The following ATP13A3 variants were observed in gnomAD, a reference collection of about 807,000 sequenced individuals.
ATP13A3 encodes polyamine-transporting ATPase 13A3.
ATP13A3 carries 59 observed loss-of-function variants against 158.1 expected under a neutral mutation model. The observed-to-expected ratio is 0.37, with a 90% confidence interval of 0.30 to 0.46. The LOEUF (loss-of-function observed/expected upper bound fraction) is 0.46, where lower values mean the gene tolerates loss of function less well. ATP13A3 is among the 20% of genes least tolerant of loss of function. ATP13A3 has a pLI of 1.00. For synonymous variants in ATP13A3, 491 were observed against 504.3 expected (o/e 0.97, Z 0.35); for missense variants, 1,166 against 1,525.2 (o/e 0.76, Z 3.92).
chr3:194,432,846 C>T (rs1455429842), intron 21 of ATP13A3, among the ~76,000 whole-genome samples: 1 of 151,806 alleles, frequency 6.6e-6, no homozygotes, highest in Non-Finnish European at 1.5e-5. Context: ...AGAGCTACCA[C>T]AATTTCACAC....
chr3:194,439,099 A>G, intron 16 of ATP13A3, 127 bp from the exon 17 acceptor site: 1 of 569,986 alleles, frequency 1.8e-6, no homozygotes, highest in South Asian at 2.6e-5. Context: ...AAAAAAATGT[A>G]TGTCCAAGGA....
chr3:194,484,235 C>A (rs1324224679), intron 2 of ATP13A3, among the ~76,000 whole-genome samples: 2 of 151,924 alleles, frequency 1.3e-5, no homozygotes, highest in Non-Finnish European at 2.9e-5. Context: ...AGCTCCTTAA[C>A]TTCTTTAATT....
rs1717181504 is a variant in ATP13A3, at chr3:194,431,039, A to T, written c.2545-17T>A. 1.2e-6 allele frequency: 2 copies of T among 1,613,574 alleles called. No homozygotes were observed. The highest frequency in any genetic ancestry group is 1.7e-6 in the Non-Finnish European group (2 of 1,179,598). ...CAACATCAACTGGAAACAATAATACAAATTTTTTTAAAATACTGTTGCGAT... is the reference window on the plus strand; with the variant it reads ...CAACATCAACTGGAAACAATAATACTAATTTTTTTAAAATACTGTTGCGAT... On this transcript the variant is annotated splice_polypyrimidine_tract_variant and intron_variant, in intron 23 of 33. Coordinates refer to ENST00000645319, the MANE Select transcript of ATP13A3 (RefSeq NM_001367549.1).
At chr3:194,450,574 G>A in intron 10 of ATP13A3, 1 of 330,348 alleles carries the variant, frequency 3.0e-6, no homozygotes, top group Non-Finnish European at 5.8e-6. Context: ...GATAAATGGT[G>A]ACTATTAGCC....
intron 22 of ATP13A3, 22 bp downstream of exon 22, chr3:194,431,695 G>T: frequency 4.7e-6 from 7 of 1,480,912 alleles, no homozygotes; most frequent in African/African-American, 1.4e-5. Context: ...ACTTTAAAAC[G>T]GACAGTCGAT....
upstream of ATP13A3, among the ~76,000 whole-genome samples, chr3:194,490,787 C>T (rs1721137476): frequency 6.6e-6 from 1 of 152,222 alleles, no homozygotes; most frequent in South Asian, 2.1e-4. The surrounding 1 kb of genome is among the most constrained non-coding windows in gnomAD (Gnocchi z 4.4). Flanking sequence ...AGGACTGATC[C>T]ACATGCTCTC....
At position 194,404,242 on chromosome 3, in the gene ATP13A3, C is replaced by A; in HGVS notation, c.*1677G>T. On this transcript the variant is annotated 3_prime_UTR_variant, in exon 34 of 34. Transcript: ENST00000645319. ...GTTATCATCTAATGTGTATTAATAG[C>A]ATATTATACATTTGATGGAAAACTT... 1 of 353,758 alleles carries A rather than the reference C, an allele frequency of 2.8e-6. No homozygotes were observed. The highest frequency in any genetic ancestry group is 5.5e-6 in the Non-Finnish European group (1 of 181,182). 21.9% of individuals were successfully genotyped at this position (353,758 alleles called of 1,614,324 possible). A position where few individuals can be genotyped will look rare whatever the true frequency, so the allele number is the denominator to read the frequency against.
chr3:194,491,645 T>G (rs1483643275), upstream of ATP13A3, among the ~76,000 whole-genome samples: 1 of 68,560 alleles, frequency 1.5e-5, no homozygotes, highest in African/African-American at 7.1e-5. Context: ...TGACCTGGCA[T>G]GTCCCCTCCA....
chr3:194,446,462 C>T (rs914378296), intron 14 of ATP13A3, among the ~76,000 whole-genome samples: 7 of 152,144 alleles, frequency 4.6e-5, no homozygotes, highest in African/African-American at 1.4e-4. Context: ...TGCCTCGTTC[C>T]GCCAGTTGCT....
chr3:194,452,286 T>A (rs980700346), intron 10 of ATP13A3: 1 of 152,166 alleles, frequency 6.6e-6, no homozygotes, highest in Non-Finnish European at 1.5e-5. Flanking sequence ...AGACCCAGAG[T>A]TAGAGACCAG....
chr3:194,457,785 CTTTTTTTT>C (rs147162535), intron 6 of ATP13A3, among the ~76,000 whole-genome samples: 1 of 127,916 alleles, frequency 7.8e-6, no homozygotes, highest in African/African-American at 3.0e-5. Context: ...CTTAATTATG[CTTTTTTTT>C]TTTTTTTTTT....
rs1423944220 is a variant in ATP13A3, at chr3:194,422,176, G to A, written c.3314-2209C>T. Among the ~76,000 whole-genome samples, 3 of 151,970 alleles carry A rather than the reference G, an allele frequency of 2.0e-5. No homozygotes were observed. The South Asian group carries it at 6.2e-4, about 32-fold the overall frequency. On this transcript the variant is annotated intron_variant, in intron 30 of 33. Coordinates refer to ENST00000645319, the MANE Select transcript of ATP13A3 (RefSeq NM_001367549.1). ...AAAAAAGACACTAAGTGACAGGGGA[G>A]AGAAGGATGGCTGGCAGACATACAA...
intron 30 of ATP13A3, among the ~76,000 whole-genome samples, chr3:194,421,292 G>A (rs1296789700): frequency 2.1e-5 from 3 of 146,040 alleles, no homozygotes; most frequent in Non-Finnish European, 4.5e-5. Flanking sequence ...GGTGGCTCAC[G>A]CCTGTAATCC....
intron 2 of ATP13A3, among the ~76,000 whole-genome samples, chr3:194,484,876 T>A (rs775549274): frequency 3.3e-5 from 5 of 152,028 alleles, no homozygotes; most frequent in South Asian, 2.1e-4. Flanking sequence ...GCCAACGTGG[T>A]GAAACCCTGT....
At position 194,431,701 on chromosome 3, in the gene ATP13A3, T is replaced by C. The variant is rs745349964; in HGVS notation, c.2421+16A>G. ...AATCAACAAACTTTAAAACGGACAG[T>C]CGATCTTGACCTTACCTCTGGGTCA... On this transcript the variant is annotated intron_variant, in intron 22 of 33. Transcript: ENST00000645319. 3 of 1,510,352 alleles carry C rather than the reference T, an allele frequency of 2.0e-6. No homozygotes were observed. The highest frequency in any genetic ancestry group is 2.7e-6 in the Non-Finnish European group (3 of 1,129,308). The allele number at this position is 1,510,352 out of a possible 1,614,324, so 93.6% of individuals were successfully genotyped here.
intron 10 of ATP13A3, among the ~76,000 whole-genome samples, chr3:194,453,250 G>A (rs1470059239): frequency 6.8e-6 from 1 of 147,036 alleles, no homozygotes; most frequent in South Asian, 2.2e-4. Context: ...CTGCACTCAG[G>A]CCTGTGCAAC....
chr3:194,421,126 A>ATATATAGTT (rs1716277490), intron 30 of ATP13A3, among the ~76,000 whole-genome samples: 1 of 60,760 alleles, frequency 1.6e-5, no homozygotes, highest in African/African-American at 1.7e-4. Context: ...ATATATATAT[A>ATATATAGTT]TATATATATA....
intron 31 of ATP13A3, among the ~76,000 whole-genome samples, chr3:194,418,046 G>A (rs1477741560): frequency 6.6e-6 from 1 of 151,082 alleles, no homozygotes; most frequent in Non-Finnish European, 1.5e-5. Context: ...AAGGAATGAA[G>A]GAAGGAAGGA....
chr3:194,412,951 G>A (rs1402843698), intron 32 of ATP13A3: 1 of 152,166 alleles, frequency 6.6e-6, no homozygotes. Flanking sequence ...TAAAATATAT[G>A]CATATATATT....
Sources: gnomAD v4.1 joint callset for allele counts (sites outside exome capture counted in the v4.1 genomes callset) on GRCh38, gnomAD v4.1.1 for gene constraint, Gnocchi (gnomAD v3.1) non-coding constraint, MANE v1.5 for transcripts, NCBI Gene and HGNC (gene_info 2026-07-23, HGNC 2026-07-21) for gene names.